SV2C: variants seen among roughly 807,000 people sequenced by gnomAD.
The protein encoded by SV2C is solute carrier family 22 member B3.
Under a neutral mutation model 79.7 loss-of-function variants are expected in SV2C, and 49 were observed. That is an observed-to-expected ratio of 0.61 (90% confidence interval 0.49 to 0.78). SV2C has a LOEUF of 0.78. SV2C is among the 30% of genes least tolerant of loss of function. SV2C has a pLI of 0.00. For synonymous variants in SV2C, 334 were observed against 333.2 expected (o/e 1.00, Z -0.03); for missense variants, 833 against 912.9 (o/e 0.91, Z 1.13).
At chr5:76,335,567 G>T (rs534928519), downstream of SV2C, among the ~76,000 whole-genome samples, 2 of 151,928 alleles carry the variant, frequency 1.3e-5, no homozygotes, top group Admixed American at 6.6e-5. Flanking sequence ...AGGACCCTGC[G>T]GCCCTCCGCA....
In SV2C at chr5:76,199,004, G is replaced by A. The variant is rs141084952; in HGVS notation, c.761+3905G>A. On this transcript the variant is annotated intron_variant, in intron 3 of 12. Transcript: ENST00000502798. ...AGGGGCTTGGGAATCTCAAAGAGGA[G>A]GGAGAAAACAATAATAACATTGGAA... Among the ~76,000 whole-genome samples, 331 of 152,210 alleles carry A rather than the reference G, an allele frequency of 2.2e-3. 1 individual carries two copies. The highest frequency in any genetic ancestry group is 6.6e-3 in the Admixed American group (101 of 15,286).
At chr5:76,261,517 T>C (rs754049526) in intron 4 of SV2C, among the ~76,000 whole-genome samples, 1 of 152,136 alleles carries the variant, frequency 6.6e-6, no homozygotes, top group Non-Finnish European at 1.5e-5. Context: ...CCTTGTCTTG[T>C]GCCAGTTTTC....
chr5:76,279,349 C>T (rs1443792888), intron 4 of SV2C, among the ~76,000 whole-genome samples: 1 of 152,084 alleles, frequency 6.6e-6, no homozygotes, highest in Admixed American at 6.5e-5. Flanking sequence ...TAGATTAGTG[C>T]CCCTAGAAAG....
chr5:76,307,822 T>C (rs1004617812), intron 12 of SV2C, among the ~76,000 whole-genome samples: 9 of 152,176 alleles, frequency 5.9e-5, no homozygotes, highest in African/African-American at 2.2e-4. Flanking sequence ...GTTATCATAT[T>C]TTTCAGTTCT....
chr5:76,225,741 G>C (rs945602599), intron 4 of SV2C, among the ~76,000 whole-genome samples: 2 of 152,166 alleles, frequency 1.3e-5, no homozygotes, highest in African/African-American at 2.4e-5. Context: ...TGAGGGCCAT[G>C]GAGCAAATAT....
At chr5:76,308,061 C>A (rs2913265) in intron 12 of SV2C, among the ~76,000 whole-genome samples, 13,823 of 152,136 alleles carry the variant, frequency 0.091, 678 homozygotes, top group Admixed American at 0.14. Context: ...TGTTTGAAAT[C>A]TTCCTGTTTA....
chr5:76,295,576 T>C (rs1747724084), intron 8 of SV2C, among the ~76,000 whole-genome samples: 1 of 152,158 alleles, frequency 6.6e-6, no homozygotes, highest in Non-Finnish European at 1.5e-5. Context: ...CAGCTAACCA[T>C]AGGCCATCTC....
chr5:76,126,891 T>G (rs998930810), intron 1 of SV2C, among the ~76,000 whole-genome samples: 1 of 152,196 alleles, frequency 6.6e-6, no homozygotes, highest in Non-Finnish European at 1.5e-5. Context: ...TCAGTTTTCT[T>G]ATCTGTGAAG....
chr5:76,136,106 G>A (rs550919663), intron 2 of SV2C, among the ~76,000 whole-genome samples: 2 of 152,344 alleles, frequency 1.3e-5, no homozygotes, highest in Admixed American at 1.3e-4. Context: ...ACAGCCAGGT[G>A]TTGACTAATA....
At chr5:76,146,319 A>G (rs1305369486) in intron 2 of SV2C, among the ~76,000 whole-genome samples, 2 of 152,164 alleles carry the variant, frequency 1.3e-5, no homozygotes, top group Non-Finnish European at 2.9e-5. Context: ...GAATAAAAGA[A>G]TAGCTACTCC....
the SV2C span, among the ~76,000 whole-genome samples, chr5:75,935,881 A>G: frequency 8.6e-3 from 1,317 of 152,298 alleles, 26 homozygotes; most frequent in African/African-American, 0.03. Flanking sequence ...TACACTGACT[A>G]TCCACACATA....
At chr5:75,934,692 C>T in the SV2C span, among the ~76,000 whole-genome samples, 1 of 152,086 alleles carries the variant, frequency 6.6e-6, no homozygotes, top group South Asian at 2.1e-4. Flanking sequence ...AAATCAGTTC[C>T]ATTGTGTCAC....
chr5:76,272,827 T>C (rs1746911853), intron 4 of SV2C, among the ~76,000 whole-genome samples: 1 of 152,142 alleles, frequency 6.6e-6, no homozygotes, highest in Admixed American at 6.5e-5. Context: ...CCTAAGACTG[T>C]ATGTGTTCAT....
In SV2C at chr5:76,340,924, A is replaced by ATTTT. The variant is rs56102200; in HGVS notation, c.2001-12188_2001-12185dup. ...TGTGCACCTGGCCTAGTTTTACAAAATTTTTTTTTTTTTTTTTTTTTCCGA... is the reference window on the plus strand; with the variant it reads ...TGTGCACCTGGCCTAGTTTTACAAAATTTTTTTTTTTTTTTTTTTTTTTTTCCGA... On this transcript the variant is annotated intron_variant, in intron 12 of 12. Coordinates refer to the SV2C transcript ENST00000322285. Among the ~76,000 whole-genome samples, 5 of 111,912 alleles carry ATTTT rather than the reference A, an allele frequency of 4.5e-5. 1 individual carries two copies. The highest frequency in any genetic ancestry group is 6.9e-5 in the Non-Finnish European group (4 of 57,660). The allele number at this position is 111,912 out of a possible 152,430, so 73.4% of individuals were successfully genotyped here.
chr5:76,033,127 A>T, the SV2C span, among the ~76,000 whole-genome samples: 6 of 151,876 alleles, frequency 4.0e-5, no homozygotes, highest in African/African-American at 7.3e-5. Flanking sequence ...GTTTGAGTTC[A>T]TTGTAGATTC....
chr5:76,153,159 G>A (rs1387401019), intron 2 of SV2C, among the ~76,000 whole-genome samples: 3 of 152,044 alleles, frequency 2.0e-5, no homozygotes, highest in Non-Finnish European at 4.4e-5. Flanking sequence ...TAGGGACCCC[G>A]AGCTCTTTCC....
intron 2 of SV2C, among the ~76,000 whole-genome samples, chr5:76,155,199 A>G (rs949113377): frequency 3.3e-5 from 5 of 152,234 alleles, no homozygotes; most frequent in African/African-American, 7.2e-5. Context: ...AGTTGCTTAC[A>G]TGACTCAGTT....
At chr5:75,959,738 C>T in the SV2C span, among the ~76,000 whole-genome samples, 4 of 151,926 alleles carry the variant, frequency 2.6e-5, no homozygotes, top group Non-Finnish European at 4.4e-5. Context: ...GTCCATTGCT[C>T]ACATATTCAT....
intron 1 of SV2C, among the ~76,000 whole-genome samples, chr5:76,093,904 A>G (rs921262852): frequency 2.0e-5 from 3 of 152,124 alleles, no homozygotes; most frequent in African/African-American, 7.2e-5. Flanking sequence ...TATTTTAAGG[A>G]TGTTGCCCAT....
Sources: gnomAD v4.1 joint callset for allele counts (sites outside exome capture counted in the v4.1 genomes callset) on GRCh38, gnomAD v4.1.1 for gene constraint, MANE v1.5 for transcripts, NCBI Gene and HGNC (gene_info 2026-07-23, HGNC 2026-07-21) for gene names.